Variants in CCDC178 observed in about 807,000 individuals in gnomAD.
The protein encoded by CCDC178 is coiled-coil domain containing 178, also known as coiled-coil domain-containing protein 178.
A neutral mutation model predicts 117.4 loss-of-function variants in CCDC178; 126 were observed. The ratio of observed to expected loss-of-function variants is 1.07; its 90% CI spans 0.93 to 1.24. The LOEUF (loss-of-function observed/expected upper bound fraction) is 1.24. Among genes scored for constraint, CCDC178 ranks in the 50% most tolerant of loss-of-function variants. CCDC178 has a pLI of 0.00. For missense variants in CCDC178, 1,030 were observed against 986.9 expected, an observed-to-expected ratio of 1.04 and a Z score of -0.59; for synonymous variants, 283 against 313.4, an observed-to-expected ratio of 0.90 and a Z score of 1.02.
intron 20 of CCDC178, among the ~76,000 whole-genome samples, chr18:33,121,212 T>C (rs1299328904): frequency 6.6e-6 from 1 of 152,098 alleles, no homozygotes; most frequent in Non-Finnish European, 1.5e-5. Flanking sequence ...TTGGAAGGAC[T>C]TGGAAACAGG....
At chr18:33,356,076 G>A (rs1360488345) in intron 7 of CCDC178, among the ~76,000 whole-genome samples, 4 of 152,126 alleles carry the variant, frequency 2.6e-5, no homozygotes, top group East Asian at 3.8e-4. Flanking sequence ...TGTAAAAGTC[G>A]ATTCTGACTG....
At chr18:33,259,185 A>T (rs927406716) in intron 14 of CCDC178, among the ~76,000 whole-genome samples, 1 of 152,206 alleles carries the variant, frequency 6.6e-6, no homozygotes, top group Non-Finnish European at 1.5e-5. Context: ...AACAAATGTA[A>T]TATCTTCACA....
Position 33,109,723 on chromosome 18 carries a change from T to C in CCDC178, c.2239-16813A>G, listed in dbSNP as rs188791087. Reference sequence around the variant, plus strand: ...ATATAATTACAATATAGTACCATAGTATATATTCTCTTGAGTCGGGTATCT... The same window carrying C: ...ATATAATTACAATATAGTACCATAGCATATATTCTCTTGAGTCGGGTATCT... On this transcript the variant is annotated intron_variant, in intron 20 of 22. Transcript: ENST00000383096. Among the ~76,000 whole-genome samples the C allele has an allele frequency of 1.3e-4, 19 of 149,830 alleles. No individual in the cohort carries two copies. The East Asian group carries it at 3.7e-3, about 29-fold the overall frequency.
intron 22 of CCDC178, 82 bp downstream of exon 22, chr18:32,974,465 T>G: frequency 7.6e-7 from 1 of 1,319,742 alleles, no homozygotes. Context: ...GGGATATGGT[T>G]TTAATGCTTC....
At chr18:33,418,120 A>G (rs1021946389) in intron 2 of CCDC178, among the ~76,000 whole-genome samples, 8 of 152,150 alleles carry the variant, frequency 5.3e-5, no homozygotes, top group Non-Finnish European at 1.2e-4. Context: ...ACCAAATTCA[A>G]CAGCACATCA....
intron 22 of CCDC178, among the ~76,000 whole-genome samples, chr18:32,969,326 A>C (rs2054877787): frequency 6.6e-6 from 1 of 152,002 alleles, no homozygotes; most frequent in Non-Finnish European, 1.5e-5. Context: ...ACTGACCCCC[A>C]GTCCATTTGC....
At chr18:33,142,896 C>T (rs1228480891) in intron 20 of CCDC178, among the ~76,000 whole-genome samples, 1 of 152,058 alleles carries the variant, frequency 6.6e-6, no homozygotes, top group African/African-American at 2.4e-5. Context: ...CCCTGAGCTG[C>T]TTGGGAGTGT....
chr18:33,421,439 AT>A (rs2064022747), intron 2 of CCDC178, among the ~76,000 whole-genome samples: 1 of 152,174 alleles, frequency 6.6e-6, no homozygotes, highest in Non-Finnish European at 1.5e-5. Flanking sequence ...CAGGAAGCTG[AT>A]TGTTAAAATT....
At chr18:32,962,377 T>C (rs1368981770) in intron 22 of CCDC178, among the ~76,000 whole-genome samples, 1 of 152,026 alleles carries the variant, frequency 6.6e-6, no homozygotes, top group Non-Finnish European at 1.5e-5. Context: ...TAGATACAGG[T>C]TTTCTTCTGG....
intron 16 of CCDC178, among the ~76,000 whole-genome samples, chr18:33,225,446 CA>C (rs2059291767): frequency 1.3e-5 from 2 of 152,134 alleles, no homozygotes; most frequent in Admixed American, 1.3e-4. Flanking sequence ...AGGCGTGAGC[CA>C]CCACACACTG....
At chr18:33,336,744 C>A (rs1235968157) in intron 9 of CCDC178, among the ~76,000 whole-genome samples, 1 of 151,902 alleles carries the variant, frequency 6.6e-6, no homozygotes, top group African/African-American at 2.4e-5. Flanking sequence ...GAACATTCAC[C>A]CAGACAGATA....
chr18:33,171,733 G>A (rs1455020604), intron 20 of CCDC178, among the ~76,000 whole-genome samples: 3 of 152,180 alleles, frequency 2.0e-5, no homozygotes, highest in Non-Finnish European at 4.4e-5. Context: ...TCTCTGCATA[G>A]AGAGGAGCTG....
At chr18:33,061,436 C>T (rs2056918371) in intron 21 of CCDC178, among the ~76,000 whole-genome samples, 2 of 152,084 alleles carry the variant, frequency 1.3e-5, no homozygotes, top group East Asian at 3.8e-4. Context: ...AAATACTCTA[C>T]TTGAGTATAT....
At chr18:33,085,160 C>A (rs560390659) in intron 21 of CCDC178, among the ~76,000 whole-genome samples, 1 of 152,244 alleles carries the variant, frequency 6.6e-6, no homozygotes, top group East Asian at 1.9e-4. Flanking sequence ...CAATTTGATA[C>A]AAGAAATGAA....
At chr18:33,244,404 C>T (rs920489704) in intron 15 of CCDC178, among the ~76,000 whole-genome samples, 1 of 151,842 alleles carries the variant, frequency 6.6e-6, no homozygotes, top group Admixed American at 6.6e-5. Context: ...CCAAATCACA[C>T]TTTGAATTGT....
intron 21 of CCDC178, among the ~76,000 whole-genome samples, chr18:33,073,620 A>C (rs2057153036): frequency 6.6e-6 from 1 of 151,990 alleles, no homozygotes; most frequent in Admixed American, 6.6e-5. Flanking sequence ...ATGCTGTCTC[A>C]GTGGGTATGC....
intron 20 of CCDC178, among the ~76,000 whole-genome samples, chr18:33,112,664 G>T (rs544877952): frequency 6.6e-6 from 1 of 151,972 alleles, no homozygotes; most frequent in South Asian, 2.1e-4. Flanking sequence ...GTTTCACTTT[G>T]TTAGCTTTCA....
chr18:33,185,376 GA>G (rs1443492467), intron 20 of CCDC178, among the ~76,000 whole-genome samples: 1 of 152,054 alleles, frequency 6.6e-6, no homozygotes, highest in Non-Finnish European at 1.5e-5. Context: ...AGATATGGAT[GA>G]AAGGGGTAAG....
Position 33,391,880 on chromosome 18 carries a change from T to C in CCDC178, c.119-2251A>G, listed in dbSNP as rs187296941. On this transcript the variant is annotated intron_variant, in intron 4 of 22. Transcript: ENST00000383096. ...GAAACAAATAATTCTTTTTTTTTTTTCTGAGGTGGAGTCTTACTCTGTCAC... is the reference window on the plus strand; with the variant it reads ...GAAACAAATAATTCTTTTTTTTTTTCCTGAGGTGGAGTCTTACTCTGTCAC... 7.1e-4 allele frequency among the ~76,000 whole-genome samples: 108 copies of C among 152,102 alleles called. 1 individual carries two copies. The highest frequency in any genetic ancestry group is 2.6e-3 in the African/African-American group (106 of 41,498).
Sources: gnomAD v4.1 joint callset for allele counts (sites outside exome capture counted in the v4.1 genomes callset) on GRCh38, gnomAD v4.1.1 for gene constraint, MANE v1.5 for transcripts, NCBI Gene and HGNC (gene_info 2026-07-23, HGNC 2026-07-21) for gene names.